The following TAFA5 variants were observed in gnomAD, a reference collection of about 807,000 sequenced individuals.
The protein encoded by TAFA5 is TAFA chemokine like family member 5, also known as chemokine-like protein TAFA-5.
A neutral mutation model predicts 15.3 loss-of-function variants in TAFA5; 6 were observed. That is an observed-to-expected ratio of 0.39 (90% CI 0.21 to 0.77). The LOEUF (loss-of-function observed/expected upper bound fraction) is 0.77. Among genes scored for constraint, TAFA5 ranks in the 30% least tolerant of loss-of-function variants. TAFA5 has a pLI of 0.41. For synonymous variants in TAFA5, 103 were observed against 80.7 expected, an observed-to-expected ratio of 1.28 and a Z score of -1.48; for missense variants, 161 against 193.1, an observed-to-expected ratio of 0.83 and a Z score of 0.98.
At chr22:48,680,808 C>G (rs1344765117) in intron 2 of TAFA5, among the ~76,000 whole-genome samples, 1 of 152,256 alleles carries the variant, frequency 6.6e-6, no homozygotes. Flanking sequence ...GACACCTGCA[C>G]CTGTGCCTGC....
At chr22:48,576,676 G>C (rs893329668) in intron 1 of TAFA5, 2 of 1,198,694 alleles carry the variant, frequency 1.7e-6, no homozygotes, top group South Asian at 7.8e-5. Flanking sequence ...CGCCGCGCTC[G>C]GCTGAGGCTC....
chr22:48,509,931 A>T (rs1921148030), intron 1 of TAFA5, among the ~76,000 whole-genome samples: 2 of 150,166 alleles, frequency 1.3e-5, no homozygotes. Context: ...AGCCTGGGTG[A>T]CAGAGTGAGA....
At chr22:48,666,514 T>TTACTGAGGCCCGTGACTAGGTGA (rs1569071068) in intron 2 of TAFA5, among the ~76,000 whole-genome samples, 1 of 148,460 alleles carries the variant, frequency 6.7e-6, no homozygotes, top group Non-Finnish European at 1.5e-5. Context: ...TGACCAGGCG[T>TTACTGAGGCCCGTGACTAGGTGA]TACTGAGGCC....
chr22:48,616,914 C>G (rs1402185542), intron 1 of TAFA5, among the ~76,000 whole-genome samples: 1 of 152,030 alleles, frequency 6.6e-6, no homozygotes, highest in Non-Finnish European at 1.5e-5. Flanking sequence ...TATGGGTGTC[C>G]AGTCTCCTTG....
intron 2 of TAFA5, among the ~76,000 whole-genome samples, chr22:48,657,551 C>T (rs1927292839): frequency 6.6e-6 from 1 of 152,184 alleles, no homozygotes; most frequent in East Asian, 1.9e-4. Context: ...GCCCTAATAC[C>T]AAAGTATCAG....
chr22:48,620,375 A>G (rs1373874550), intron 1 of TAFA5, among the ~76,000 whole-genome samples: 1 of 152,046 alleles, frequency 6.6e-6, no homozygotes, highest in Non-Finnish European at 1.5e-5. Flanking sequence ...ATGAATTCAC[A>G]TATTTTGACT....
intron 2 of TAFA5, among the ~76,000 whole-genome samples, chr22:48,680,207 GTCT>G (rs1476127994): frequency 6.6e-6 from 1 of 152,240 alleles, no homozygotes; most frequent in Non-Finnish European, 1.5e-5. Flanking sequence ...GCTCCGGCCT[GTCT>G]TCTTTGCTGG....
At chr22:48,602,977 C>T (rs1171373911) in intron 1 of TAFA5, among the ~76,000 whole-genome samples, 1 of 152,322 alleles carries the variant, frequency 6.6e-6, no homozygotes, top group Non-Finnish European at 1.5e-5. Flanking sequence ...TCTACCAATG[C>T]CTCCTGGGCG....
intron 2 of TAFA5, among the ~76,000 whole-genome samples, chr22:48,668,288 A>G (rs112406670): frequency 6.3e-3 from 48 of 7,620 alleles, no homozygotes; most frequent in Admixed American, 7.4e-3. Context: ...AGCACTCAGG[A>G]CCGCGTCTTC....
chr22:48,681,291 C>T (rs1414145256), intron 2 of TAFA5, among the ~76,000 whole-genome samples: 3 of 152,058 alleles, frequency 2.0e-5, no homozygotes, highest in East Asian at 3.9e-4. Flanking sequence ...GGCTCCAACC[C>T]GTGAGGACAC....
At chr22:48,648,102 T>G (rs1926930032) in intron 2 of TAFA5, among the ~76,000 whole-genome samples, 1 of 152,178 alleles carries the variant, frequency 6.6e-6, no homozygotes, top group Non-Finnish European at 1.5e-5. Flanking sequence ...AGGGCAGCTA[T>G]ATCCGTGGCA....
chr22:48,727,277 A>G (rs557461929), intron 3 of TAFA5, among the ~76,000 whole-genome samples: 1 of 152,326 alleles, frequency 6.6e-6, no homozygotes, highest in East Asian at 1.9e-4. Context: ...ATATTATGAA[A>G]AACAATTGGT....
intron 3 of TAFA5, 66 bp downstream of exon 3, chr22:48,707,910 G>A (rs553764909): frequency 4.2e-5 from 65 of 1,558,698 alleles, no homozygotes; most frequent in South Asian, 3.2e-4. Flanking sequence ...GGCCTCCGAC[G>A]CCACCCGGGC....
intron 2 of TAFA5, among the ~76,000 whole-genome samples, chr22:48,663,887 C>T (rs1193405855): frequency 1.3e-5 from 2 of 152,144 alleles, no homozygotes; most frequent in Non-Finnish European, 2.9e-5. Context: ...TGCAAGAGCA[C>T]GGGTGATGCT....
chr22:48,650,510 G>T (rs1439546131), intron 2 of TAFA5, among the ~76,000 whole-genome samples: 2 of 152,154 alleles, frequency 1.3e-5, no homozygotes, highest in African/African-American at 4.8e-5. Context: ...CCATGAGGGG[G>T]CATTTGAATA....
chr22:48,609,841 C>T (rs1925334540), intron 1 of TAFA5, among the ~76,000 whole-genome samples: 1 of 152,170 alleles, frequency 6.6e-6, no homozygotes, highest in African/African-American at 2.4e-5. Flanking sequence ...TCAGGCAGCC[C>T]TTGGCTTCCA....
chr22:48,601,836 G>A (rs1227575369), intron 1 of TAFA5, among the ~76,000 whole-genome samples: 1 of 152,154 alleles, frequency 6.6e-6, no homozygotes, highest in Non-Finnish European at 1.5e-5. Context: ...CACTCCTTTG[G>A]CATATTTCTG....
chr22:48,564,446 G>A (rs1469851318), intron 1 of TAFA5, among the ~76,000 whole-genome samples: 1 of 152,250 alleles, frequency 6.6e-6, no homozygotes, highest in East Asian at 1.9e-4. Flanking sequence ...AGAGGCTGTG[G>A]GTTGGCTTCC....
At chr22:48,639,447 C>T (rs1926594529) in intron 1 of TAFA5, among the ~76,000 whole-genome samples, 1 of 152,348 alleles carries the variant, frequency 6.6e-6, no homozygotes, top group East Asian at 1.9e-4. Context: ...ATCTGTGTCA[C>T]AGCCTGGCAG....
Sources: allele counts gnomAD v4.1 joint callset (sites outside exome capture counted in the v4.1 genomes callset), GRCh38; gene constraint gnomAD v4.1.1; transcripts MANE v1.5; gene names NCBI Gene and HGNC (gene_info 2026-07-23, HGNC 2026-07-21).